Variants in GRHL2 observed in about 807,000 individuals in gnomAD.
GRHL2 encodes the protein grainyhead-like protein 2 homolog.
A neutral mutation model predicts 83.8 loss-of-function variants in GRHL2; 21 were observed. The ratio of observed to expected loss-of-function variants is 0.25; its 90% CI spans 0.18 to 0.36. The LOEUF (loss-of-function observed/expected upper bound fraction) is 0.36. Ranked by LOEUF, GRHL2 falls within the 10% of genes least tolerant of loss-of-function variation. The probability of loss-of-function intolerance (pLI) is 1.00; values close to 1 mark genes in which losing one functional copy is unlikely to be tolerated. For missense variants in GRHL2, 623 were observed against 781.8 expected, an observed-to-expected ratio of 0.80 and a Z score of 2.42; for synonymous variants, 280 against 278.9, an observed-to-expected ratio of 1.00 and a Z score of -0.04.
At chr8:101,562,716 A>C (rs546123760) in intron 4 of GRHL2, among the ~76,000 whole-genome samples, 1 of 152,196 alleles carries the variant, frequency 6.6e-6, no homozygotes, top group Admixed American at 6.5e-5. Context: ...ACCTTTTCCA[A>C]CTTTTGATGT....
chr8:101,672,000 G>C (rs1332403284), downstream of GRHL2, among the ~76,000 whole-genome samples: 2 of 151,972 alleles, frequency 1.3e-5, no homozygotes, highest in Non-Finnish European at 2.9e-5. Flanking sequence ...GGTCCTATCT[G>C]TTAGAAGGAA....
chr8:101,603,967 C>T (rs1261945286), intron 8 of GRHL2, among the ~76,000 whole-genome samples: 2 of 144,172 alleles, frequency 1.4e-5, no homozygotes, highest in Non-Finnish European at 3.0e-5. Flanking sequence ...AGATTCTAGC[C>T]CTGGCACTCG....
chr8:101,570,014 G>C (rs924576208), intron 4 of GRHL2, among the ~76,000 whole-genome samples: 1 of 152,140 alleles, frequency 6.6e-6, no homozygotes, highest in African/African-American at 2.4e-5. Context: ...ATGACATTTG[G>C]AATAAGTGTT....
intron 13 of GRHL2, among the ~76,000 whole-genome samples, chr8:101,645,360 T>G (rs1460567731): frequency 6.6e-6 from 1 of 152,122 alleles, no homozygotes; most frequent in East Asian, 1.9e-4. Flanking sequence ...CTCGATCTCT[T>G]GACCTTGTGA....
chr8:101,673,652 A>T (rs1188613156), downstream of GRHL2, among the ~76,000 whole-genome samples: 4 of 152,020 alleles, frequency 2.6e-5, no homozygotes, highest in Admixed American at 2.6e-4. Flanking sequence ...GATCAACAAG[A>T]CAGAAAGTTA....
chr8:101,557,113 A>G (rs1811503114), intron 3 of GRHL2, among the ~76,000 whole-genome samples: 2 of 151,404 alleles, frequency 1.3e-5, no homozygotes, highest in Admixed American at 1.3e-4. Flanking sequence ...CTGTCATGTC[A>G]TCATATTAGT....
chr8:101,492,866 T>C, intron 1 of GRHL2, 77 bp downstream of exon 1: 1 of 1,317,128 alleles, frequency 7.6e-7, no homozygotes, highest in Non-Finnish European at 1.1e-6. Flanking sequence ...TATGTTTTTG[T>C]TTTTAAGTTG....
chr8:101,597,485 G>GA (rs971304833), intron 7 of GRHL2, among the ~76,000 whole-genome samples: 2 of 152,104 alleles, frequency 1.3e-5, no homozygotes, highest in African/African-American at 4.8e-5. Flanking sequence ...ATACACCATG[G>GA]AATACTATGC....
intron 4 of GRHL2, among the ~76,000 whole-genome samples, chr8:101,563,971 C>T (rs1318662659): frequency 1.3e-5 from 2 of 152,082 alleles, no homozygotes; most frequent in Non-Finnish European, 2.9e-5. Context: ...CCAATGTCAA[C>T]GGAATCATCA....
In GRHL2 at chr8:101,558,646, C is replaced by A; in HGVS notation, c.512C>A (p.Pro171His). The change falls in exon 4 of 16, where the codon CCT becomes CAT. Residue 171 changes from proline (P) to histidine (H), a missense_variant. By Grantham distance (77) the Pro-to-His change is moderately conservative (BLOSUM62 -2). Coordinates refer to ENST00000646743, the MANE Select transcript of GRHL2 (RefSeq NM_024915.4). ...TTCACACCAGTTTTCATGGCCCCACCTGTGCACTATCCCCGGGGAGATGGG... is the reference window on the plus strand; with the variant it reads ...TTCACACCAGTTTTCATGGCCCCACATGTGCACTATCCCCGGGGAGATGGG... The part of the protein sequence containing the change: ...EDFTPVFMAP[P>H]VHYPRGDGEE... The A allele has an allele frequency of 1.9e-6, 3 of 1,614,192 alleles. No individual in the cohort carries two copies. The highest frequency in any genetic ancestry group is 2.5e-6 in the Non-Finnish European group (3 of 1,180,028).
chr8:101,581,512 C>T (rs192007399), intron 7 of GRHL2, among the ~76,000 whole-genome samples: 12 of 152,312 alleles, frequency 7.9e-5, no homozygotes, highest in Admixed American at 3.9e-4. Flanking sequence ...ATACCTCTTG[C>T]GTGGAATCTC....
chr8:101,500,960 A>G (rs1479095791), intron 1 of GRHL2, among the ~76,000 whole-genome samples: 1 of 152,240 alleles, frequency 6.6e-6, no homozygotes, highest in Non-Finnish European at 1.5e-5. Flanking sequence ...GGAAGAGAGA[A>G]GTGTTTCAGC....
intron 10 of GRHL2, 92 bp from the exon 11 acceptor site, chr8:101,632,134 A>C: frequency 1.5e-6 from 2 of 1,361,424 alleles, no homozygotes; most frequent in Non-Finnish European, 2.1e-6. Context: ...AGAAAGCTTC[A>C]TATGAGAAAA....
intron 1 of GRHL2, among the ~76,000 whole-genome samples, chr8:101,532,427 G>C (rs753026098): frequency 5.3e-5 from 8 of 152,112 alleles, no homozygotes; most frequent in Non-Finnish European, 1.0e-4. Flanking sequence ...CCAATCTCAA[G>C]TGCTCAAGAC....
rs1563636411 is a variant in GRHL2, at chr8:101,668,401, G to T, written c.*1698G>T. The stretch of plus-strand genomic sequence containing the variant: ...CCTGAGATGCAGAGCAGGATGGAGG[G>T]TCTGCTTCTAGCTCAGCTGTTTCTC... On this transcript the variant is annotated 3_prime_UTR_variant, in exon 16 of 16. Transcript: ENST00000646743. The T allele has an allele frequency of 6.5e-6, 1 of 152,742 alleles. No individual in the cohort carries two copies. Among genetic ancestry groups the T allele is most frequent in the Non-Finnish European group, 1.5e-5 (1 of 68,120 alleles). 9.5% of individuals were successfully genotyped at this position (152,742 alleles called of 1,614,324 possible).
chr8:101,568,961 G>A (rs1182318178), intron 4 of GRHL2, among the ~76,000 whole-genome samples: 2 of 152,164 alleles, frequency 1.3e-5, no homozygotes, highest in Non-Finnish European at 2.9e-5. Flanking sequence ...AGAGATGATG[G>A]TTAGGAGTTG....
At chr8:101,562,206 C>T (rs898131977) in intron 4 of GRHL2, 6 of 609,224 alleles carry the variant, frequency 9.8e-6, no homozygotes, top group Non-Finnish European at 1.9e-5. Flanking sequence ...TTCTTCAACT[C>T]TCTTCATTGA....
chr8:101,581,501 T>C lies in GRHL2; in HGVS notation c.1003+3982T>C, dbSNP rs559128983. Among the ~76,000 whole-genome samples the C allele has an allele frequency of 7.0e-4, 107 of 152,338 alleles. 1 individual carries two copies. Among genetic ancestry groups the C allele is most frequent in the Non-Finnish European group, 1.0e-3 (68 of 68,034 alleles). On this transcript the variant is annotated intron_variant, in intron 7 of 15. Coordinates refer to ENST00000646743, the MANE Select transcript of GRHL2 (RefSeq NM_024915.4). ...GTCCCAGGAGCATTCCTATGTCGGT[T>C]ATACCTCTTGCGTGGAATCTCTGCT...
intron 1 of GRHL2, among the ~76,000 whole-genome samples, chr8:101,496,969 C>T (rs1341281744): frequency 6.6e-6 from 1 of 152,170 alleles, no homozygotes; most frequent in Non-Finnish European, 1.5e-5. Flanking sequence ...ATAATCTGGA[C>T]AGTTGCACAC....
Sources: gnomAD v4.1 joint callset for allele counts (sites outside exome capture counted in the v4.1 genomes callset) on GRCh38, gnomAD v4.1.1 for gene constraint, MANE v1.5 for transcripts, NCBI Gene and HGNC (gene_info 2026-07-23, HGNC 2026-07-21) for gene names.